CXCL13: variants seen among roughly 807,000 people sequenced by gnomAD.
CXCL13 encodes the protein C-X-C motif chemokine ligand 13.
CXCL13 carries 7 observed loss-of-function variants against 12.2 expected under a neutral mutation model. That is an observed-to-expected ratio of 0.57 (90% CI 0.33 to 1.07). The LOEUF is 1.07. CXCL13 is among the 50% of genes least tolerant of loss of function. CXCL13 has a pLI of 0.04. For missense variants in CXCL13, 113 were observed against 127.4 expected (o/e 0.89, Z 0.55); for synonymous variants, 47 against 42.4 (o/e 1.11, Z -0.42).
intron 1 of CXCL13, among the ~76,000 whole-genome samples, chr4:77,534,172 G>A (rs975269026): frequency 7.2e-5 from 11 of 151,866 alleles, no homozygotes; most frequent in African/African-American, 2.4e-4. Flanking sequence ...GACCATCTTG[G>A]TTCCACCTGG....
intron 1 of CXCL13, among the ~76,000 whole-genome samples, chr4:77,575,523 A>G (rs1726178482): frequency 6.6e-6 from 1 of 151,450 alleles, no homozygotes; most frequent in South Asian, 2.1e-4. Context: ...TTCAACTCCC[A>G]GTTATGAGTG....
Position 77,611,665 on chromosome 4 carries a change from G to GTA in CXCL13, c.*627_*628dup. 1 of 395,278 alleles carries GTA rather than the reference G, an allele frequency of 2.5e-6. No individual in the cohort carries two copies. The highest frequency in any genetic ancestry group is 4.5e-6 in the Non-Finnish European group (1 of 224,356). 24.5% of individuals were successfully genotyped at this position (395,278 alleles called of 1,614,324 possible). The stretch of plus-strand genomic sequence containing the variant: ...TCAGGGAAAGCATTTAAAGGGTGAT[G>GTA]TACACATGTATCCTTTCACACATTT... On this transcript the variant is annotated 3_prime_UTR_variant, in exon 4 of 4. Coordinates refer to ENST00000682537, the MANE Select transcript of CXCL13 (RefSeq NM_001371558.1).
chr4:77,576,959 G>A (rs569225367), intron 1 of CXCL13, among the ~76,000 whole-genome samples: 1 of 152,242 alleles, frequency 6.6e-6, no homozygotes, highest in Admixed American at 6.5e-5. Context: ...TTGTTTTAAA[G>A]TTTTTGCCTA....
intron 1 of CXCL13, among the ~76,000 whole-genome samples, chr4:77,545,108 C>G (rs746763668): frequency 2.0e-5 from 3 of 152,010 alleles, no homozygotes; most frequent in Non-Finnish European, 4.4e-5. Flanking sequence ...TGGTCTATAT[C>G]TCTGTTTTGG....
intron 1 of CXCL13, 128 bp from the exon 2 acceptor site, chr4:77,607,575 T>C (rs1232364027): frequency 1.3e-6 from 1 of 759,776 alleles, no homozygotes; most frequent in African/African-American, 1.7e-5. Flanking sequence ...ACTAAAGACA[T>C]ATGGGTGGAA....
At chr4:77,609,976 CAT>C (rs1446514461) in intron 2 of CXCL13, among the ~76,000 whole-genome samples, 2 of 152,134 alleles carry the variant, frequency 1.3e-5, no homozygotes, top group African/African-American at 4.8e-5. Context: ...TGAAATAATC[CAT>C]GTTACCTGCT....
chr4:77,524,926 A>G (rs992511189), intron 1 of CXCL13, among the ~76,000 whole-genome samples: 2 of 152,212 alleles, frequency 1.3e-5, no homozygotes, highest in East Asian at 3.8e-4. Context: ...ACAAAATTAG[A>G]CCATGCATCA....
intron 1 of CXCL13, among the ~76,000 whole-genome samples, chr4:77,539,596 G>A (rs1042883107): frequency 6.6e-6 from 1 of 152,192 alleles, no homozygotes; most frequent in Non-Finnish European, 1.5e-5. Flanking sequence ...GCTCACTTGA[G>A]GCATTCTTCT....
intron 1 of CXCL13, among the ~76,000 whole-genome samples, chr4:77,574,202 A>G (rs1380338443): frequency 6.6e-6 from 1 of 151,796 alleles, no homozygotes; most frequent in Non-Finnish European, 1.5e-5. Flanking sequence ...TTTTCAGTCA[A>G]CTGGATTATT....
At chr4:77,535,747 T>C (rs776682731) in intron 1 of CXCL13, among the ~76,000 whole-genome samples, 10 of 152,126 alleles carry the variant, frequency 6.6e-5, no homozygotes, top group Non-Finnish European at 1.3e-4. Context: ...TCAGCTGAAG[T>C]CTCAGCCAAC....
intron 1 of CXCL13, among the ~76,000 whole-genome samples, chr4:77,570,817 T>C (rs961974747): frequency 6.6e-6 from 1 of 152,036 alleles, no homozygotes; most frequent in Non-Finnish European, 1.5e-5. Context: ...GGCCAGCAGC[T>C]GCAGAGGGTG....
chr4:77,551,318 T>TA (rs1725512105), intron 1 of CXCL13, among the ~76,000 whole-genome samples: 1 of 152,238 alleles, frequency 6.6e-6, no homozygotes, highest in Non-Finnish European at 1.5e-5. Context: ...GGTCTAGTGG[T>TA]AACAAATTCC....
intron 1 of CXCL13, among the ~76,000 whole-genome samples, chr4:77,596,079 A>T (rs1402099935): frequency 6.6e-6 from 1 of 152,260 alleles, no homozygotes; most frequent in Admixed American, 6.5e-5. Flanking sequence ...AACAAAACAA[A>T]GTCCCTTTTC....
intron 1 of CXCL13, among the ~76,000 whole-genome samples, chr4:77,559,449 T>A (rs534677731): frequency 6.6e-6 from 1 of 152,276 alleles, no homozygotes; most frequent in South Asian, 2.1e-4. Context: ...TGGACGACCT[T>A]GAGAAGGGTG....
At chr4:77,516,178 A>G (rs2110077677) in intron 1 of CXCL13, among the ~76,000 whole-genome samples, 1 of 152,292 alleles carries the variant, frequency 6.6e-6, no homozygotes, top group African/African-American at 2.4e-5. Flanking sequence ...ATGGTGGATA[A>G]GCTTTTTGAT....
At chr4:77,553,728 C>G (rs755676314) in intron 1 of CXCL13, among the ~76,000 whole-genome samples, 4 of 152,190 alleles carry the variant, frequency 2.6e-5, no homozygotes, top group Admixed American at 2.6e-4. Flanking sequence ...TGAAATGAAG[C>G]TCAAAGAGTT....
chr4:77,578,332 G>C (rs1165929339), intron 1 of CXCL13, among the ~76,000 whole-genome samples: 1 of 152,156 alleles, frequency 6.6e-6, no homozygotes, highest in East Asian at 1.9e-4. Context: ...AGCCCTCTGA[G>C]GGAGCTCTGA....
chr4:77,580,082 TCTTGA>T (rs1726280923), intron 1 of CXCL13, among the ~76,000 whole-genome samples: 1 of 152,038 alleles, frequency 6.6e-6, no homozygotes, highest in Non-Finnish European at 1.5e-5. Context: ...AACTAAGGGC[TCTTGA>T]CTTGGAATGG....
At chr4:77,565,171 G>C (rs1015349575) in intron 1 of CXCL13, among the ~76,000 whole-genome samples, 4 of 152,128 alleles carry the variant, frequency 2.6e-5, no homozygotes, top group African/African-American at 9.7e-5. Flanking sequence ...ATTTTCATCT[G>C]AATATAGGGA....
Sources: allele counts gnomAD v4.1 joint callset (sites outside exome capture counted in the v4.1 genomes callset), GRCh38; gene constraint gnomAD v4.1.1; transcripts MANE v1.5; gene names NCBI Gene and HGNC (gene_info 2026-07-23, HGNC 2026-07-21).